Variants in SLC35F3 observed in about 807,000 individuals in gnomAD.
SLC35F3 encodes the protein putative thiamine transporter SLC35F3.
SLC35F3 carries 25 observed loss-of-function variants against 49.9 expected under a neutral mutation model. That is an observed-to-expected ratio of 0.50 (90% CI 0.37 to 0.70). The LOEUF is 0.70. Among genes scored for constraint, SLC35F3 ranks in the 30% least tolerant of loss-of-function variants. The probability of loss-of-function intolerance (pLI) is 0.00; values close to 1 mark genes in which losing one functional copy is unlikely to be tolerated. For synonymous variants in SLC35F3, 275 were observed against 265.4 expected (o/e 1.04, Z -0.35); for missense variants, 525 against 639.8 (o/e 0.82, Z 1.94).
intron 2 of SLC35F3, among the ~76,000 whole-genome samples, chr1:233,943,265 CAATTATCA>C (rs1450207617): frequency 6.6e-6 from 1 of 152,172 alleles, no homozygotes; most frequent in Non-Finnish European, 1.5e-5. Context: ...AGGTGTCCAT[CAATTATCA>C]GTAATCCAAA....
At chr1:234,253,550 C>T (rs922506285) in intron 3 of SLC35F3, among the ~76,000 whole-genome samples, 1 of 151,478 alleles carries the variant, frequency 6.6e-6, no homozygotes, top group African/African-American at 2.4e-5. Flanking sequence ...CAGTGGTTTC[C>T]TGTTAGTAGG....
chr1:234,073,307 C>T (rs1664746116), intron 2 of SLC35F3, among the ~76,000 whole-genome samples: 1 of 151,960 alleles, frequency 6.6e-6, no homozygotes, highest in South Asian at 2.1e-4. Flanking sequence ...CCAAGTCTGG[C>T]TAATTTAAAA....
rs1224874313 is a variant in SLC35F3 at position 234,003,753 on chromosome 1, A to C, written c.283+97995A>C. Among the ~76,000 whole-genome samples, 3 of 152,356 alleles carry C rather than the reference A, an allele frequency of 2.0e-5. No homozygotes were observed. The South Asian group carries it at 6.2e-4, about 32-fold the overall frequency. On this transcript the variant is annotated intron_variant, in intron 2 of 7. Transcript: ENST00000366618. ...ATGGAGGAATACGGAATGAACTCCT[A>C]CACATGATAGTCAAACGACAAACCA...
chr1:233,910,226 T>C (rs1169021820), intron 2 of SLC35F3, among the ~76,000 whole-genome samples: 4 of 152,252 alleles, frequency 2.6e-5, no homozygotes, highest in Non-Finnish European at 5.9e-5. Context: ...TTCTCATTTC[T>C]CTGGGATGGA....
At chr1:234,037,042 A>G (rs1458190016) in intron 2 of SLC35F3, among the ~76,000 whole-genome samples, 1 of 152,222 alleles carries the variant, frequency 6.6e-6, no homozygotes, top group Non-Finnish European at 1.5e-5. Context: ...ACTCGATGTT[A>G]GATACTATTT....
chr1:233,905,454 G>A (rs1399871369), intron 1 of SLC35F3, 75 bp from the exon 2 acceptor site: 12 of 1,137,606 alleles, frequency 1.1e-5, no homozygotes, highest in South Asian at 1.5e-5. Context: ...CCTGGGATCT[G>A]CTCCTCACGA....
chr1:233,909,205 G>A (rs924202347), intron 2 of SLC35F3, among the ~76,000 whole-genome samples: 2 of 152,072 alleles, frequency 1.3e-5, no homozygotes, highest in African/African-American at 4.8e-5. Flanking sequence ...TGAAAGGGAT[G>A]GCTTTTGTGA....
At chr1:233,956,608 A>T (rs1055617988) in intron 2 of SLC35F3, among the ~76,000 whole-genome samples, 6 of 152,218 alleles carry the variant, frequency 3.9e-5, no homozygotes, top group African/African-American at 1.4e-4. Context: ...TTGGAAAGAG[A>T]GGCAGAGCAG....
chr1:234,221,394 G>A (rs1667202163), intron 2 of SLC35F3, among the ~76,000 whole-genome samples: 1 of 152,182 alleles, frequency 6.6e-6, no homozygotes, highest in Non-Finnish European at 1.5e-5. Flanking sequence ...CAGCATACCG[G>A]GGAGGAAGCA....
chr1:234,004,812 G>A (rs1038289348), intron 2 of SLC35F3, among the ~76,000 whole-genome samples: 4 of 152,072 alleles, frequency 2.6e-5, no homozygotes, highest in African/African-American at 9.7e-5. Context: ...CCCAGTACAT[G>A]AGTCACTGTA....
At chr1:234,270,672 A>G (rs1354024034) in intron 3 of SLC35F3, among the ~76,000 whole-genome samples, 3 of 152,252 alleles carry the variant, frequency 2.0e-5, no homozygotes, top group African/African-American at 4.8e-5. Flanking sequence ...AGCCCTGCTA[A>G]CTGTGATGGA....
Position 234,131,963 on chromosome 1 carries a change from G to A in SLC35F3, c.284-99454G>A, listed in dbSNP as rs566674749. Among the ~76,000 whole-genome samples, 20 of 152,244 alleles carry A rather than the reference G, an allele frequency of 1.3e-4. No homozygotes were observed. The East Asian group carries it at 3.7e-3, about 28-fold the overall frequency. ...TTATTCTAGACTATGTATAAACTTC[G>A]GGGAGTGGAGTGGAGGAGAGGCTGT... On this transcript the variant is annotated intron_variant, in intron 2 of 7. Transcript: ENST00000366618.
At chr1:234,068,242 C>T (rs746094767) in intron 2 of SLC35F3, among the ~76,000 whole-genome samples, 6 of 152,168 alleles carry the variant, frequency 3.9e-5, no homozygotes, top group East Asian at 1.9e-4. Flanking sequence ...GGATTCAATG[C>T]GAAAAATTCC....
intron 2 of SLC35F3, among the ~76,000 whole-genome samples, chr1:234,109,363 A>G (rs1446173396): frequency 6.6e-6 from 1 of 152,214 alleles, no homozygotes; most frequent in Non-Finnish European, 1.5e-5. Context: ...ATGTGTGTCA[A>G]GTGAAGATGA....
chr1:234,156,682 A>G (rs752081924), intron 2 of SLC35F3, among the ~76,000 whole-genome samples: 12 of 152,138 alleles, frequency 7.9e-5, no homozygotes, highest in Non-Finnish European at 1.3e-4. Context: ...TCAGAGCAGC[A>G]TTATTCATCA....
intron 2 of SLC35F3, among the ~76,000 whole-genome samples, chr1:234,091,687 A>G (rs1335439903): frequency 1.3e-5 from 2 of 152,246 alleles, no homozygotes; most frequent in Non-Finnish European, 2.9e-5. Context: ...CCAGAAATAT[A>G]TGGAAAGGAT....
At position 234,197,788 on chromosome 1, in the gene SLC35F3, A is replaced by G. The variant is rs559723014; in HGVS notation, c.284-33629A>G. Reference sequence around the variant, plus strand: ...CATTGACCTTAACTCAATAACATCAATTTGAGGGAAAAGAAATTTCAAAAG... The same window carrying G: ...CATTGACCTTAACTCAATAACATCAGTTTGAGGGAAAAGAAATTTCAAAAG... On this transcript the variant is annotated intron_variant, in intron 2 of 7. Transcript: ENST00000366618. Among the ~76,000 whole-genome samples the G allele has an allele frequency of 4.6e-5, 7 of 152,376 alleles. No homozygotes were observed. The South Asian group carries it at 1.2e-3, about 27-fold the overall frequency.
intron 3 of SLC35F3, among the ~76,000 whole-genome samples, chr1:234,276,492 A>C (rs12037823): frequency 0.06 from 9,194 of 152,226 alleles, 334 homozygotes; most frequent in African/African-American, 0.099. Context: ...CACATTCTAG[A>C]TAACATTACA....
At chr1:233,926,119 G>A (rs891416413) in intron 2 of SLC35F3, among the ~76,000 whole-genome samples, 6 of 152,104 alleles carry the variant, frequency 3.9e-5, no homozygotes, top group Non-Finnish European at 7.4e-5. Context: ...TCTTGGGGTT[G>A]CTCTTCTCGA....
Sources: gnomAD v4.1 joint callset for allele counts (sites outside exome capture counted in the v4.1 genomes callset) on GRCh38, gnomAD v4.1.1 for gene constraint, MANE v1.5 for transcripts, NCBI Gene and HGNC (gene_info 2026-07-23, HGNC 2026-07-21) for gene names.